The following ALPK2 variants were observed in gnomAD, a reference collection of about 807,000 sequenced individuals.
The protein encoded by ALPK2 is alpha-protein kinase 2.
ALPK2 carries 127 observed loss-of-function variants against 163.1 expected under a neutral mutation model. The observed-to-expected ratio is 0.78, with a 90% CI of 0.67 to 0.90. The LOEUF is 0.90. Ranked by LOEUF, ALPK2 falls within the 40% of genes least tolerant of loss-of-function variation. The probability of loss-of-function intolerance (pLI) is 0.00; values close to 1 mark genes in which losing one functional copy is unlikely to be tolerated. For synonymous variants in ALPK2, 953 were observed against 959.1 expected (o/e 0.99, Z 0.12); for missense variants, 2,360 against 2,589.6 (o/e 0.91, Z 1.92).
rs2051953058 is a variant in ALPK2 at position 58,580,506 on chromosome 18, T to G, written c.270A>C (p.Lys90Asn). The stretch of plus-strand genomic sequence containing the variant: ...AACAACAGATCATTCCAAAAGAGTT[T>G]TTAGCCGAGATTTGATAGACAGCAG... ...NDAAVYQISA[K>N]NSFGMICCSA... Residue 90 changes from lysine to asparagine, a missense_variant, in exon 4 of 13, where the codon AAA becomes AAC. Lys to Asn is a moderately conservative substitution (Grantham distance 94). Coordinates refer to ENST00000361673, the MANE Select transcript of ALPK2 (RefSeq NM_052947.4). 1 of 1,614,038 alleles carries G rather than the reference T, an allele frequency of 6.2e-7. No individual in the cohort carries two copies. Among genetic ancestry groups the G allele is most frequent in the Admixed American group, 1.7e-5 (1 of 60,010 alleles).
At chr18:58,588,724 T>C (rs1342637634) in intron 3 of ALPK2, among the ~76,000 whole-genome samples, 2 of 152,186 alleles carry the variant, frequency 1.3e-5, no homozygotes, top group East Asian at 3.8e-4. Flanking sequence ...CTGAGGATAA[T>C]GGCTTCCAGC....
chr18:58,490,459 T>A (rs1162155103), intron 12 of ALPK2, among the ~76,000 whole-genome samples: 11 of 151,148 alleles, frequency 7.3e-5, no homozygotes, highest in Non-Finnish European at 1.3e-4. Flanking sequence ...GATGGCCCCA[T>A]CTCCCTCTGA....
chr18:58,624,361 G>A (rs558228593), intron 1 of ALPK2, among the ~76,000 whole-genome samples: 203 of 152,246 alleles, frequency 1.3e-3, no homozygotes, highest in Non-Finnish European at 1.3e-3. Context: ...GCAGGAAACA[G>A]CAGGGTCCTG....
intron 4 of ALPK2, among the ~76,000 whole-genome samples, chr18:58,559,639 C>T (rs2051814840): frequency 6.6e-6 from 1 of 152,134 alleles, no homozygotes; most frequent in Non-Finnish European, 1.5e-5. Flanking sequence ...CTGACTCAGG[C>T]CTGACCTTCT....
Position 58,536,570 on chromosome 18 carries a change from TGAC to T in ALPK2, c.3614_3616del (p.Ser1205_Gln1206delinsLys). 1 of 1,614,090 alleles carries T rather than the reference TGAC, an allele frequency of 6.2e-7. No individual in the cohort carries two copies. The highest frequency in any genetic ancestry group is 1.1e-5 in the South Asian group (1 of 91,076). On this transcript the variant is annotated inframe_deletion, in exon 5 of 13. Coordinates refer to ENST00000361673, the MANE Select transcript of ALPK2 (RefSeq NM_052947.4). Reference sequence around the variant, plus strand: ...GAGAGATGGAACGTTGCTCAGAGCCTGACTGTCTTCTTCCCCAGCAGTTTCAGC... The same window carrying T: ...GAGAGATGGAACGTTGCTCAGAGCCTTGTCTTCTTCCCCAGCAGTTTCAGC...
rs144428335 is a variant in ALPK2 at position 58,523,699 on chromosome 18, G to A, written c.5665+107C>T. The stretch of plus-strand genomic sequence containing the variant: ...AAGTCACGCCATAGCTCTCCTTCTC[G>A]GTTGGAAGAGTCCAGAGGATTACTG... On this transcript the variant is annotated intron_variant, in intron 8 of 12. Coordinates refer to ENST00000361673, the MANE Select transcript of ALPK2 (RefSeq NM_052947.4). 1.1e-4 allele frequency: 153 copies of A among 1,399,208 alleles called. No homozygotes were observed. The East Asian group carries it at 2.2e-3, about 20-fold the overall frequency. 86.7% of individuals were successfully genotyped at this position (1,399,208 alleles called of 1,614,324 possible). A position where few individuals can be genotyped will look rare whatever the true frequency, so the allele number is the denominator to read the frequency against.
intron 12 of ALPK2, among the ~76,000 whole-genome samples, chr18:58,485,388 G>C (rs896773780): frequency 6.6e-6 from 1 of 152,130 alleles, no homozygotes; most frequent in Admixed American, 6.5e-5. Flanking sequence ...TCTTAAGGGC[G>C]TGAAAGGTTT....
chr18:58,501,308 C>T (rs1160582026), intron 11 of ALPK2, among the ~76,000 whole-genome samples: 1 of 152,062 alleles, frequency 6.6e-6, no homozygotes, highest in Admixed American at 6.5e-5. Flanking sequence ...AAAATTAATT[C>T]GCAAGGAGAA....
At chr18:58,605,757 A>G (rs572791743) in intron 3 of ALPK2, among the ~76,000 whole-genome samples, 2 of 152,354 alleles carry the variant, frequency 1.3e-5, no homozygotes, top group East Asian at 3.9e-4. Context: ...AGTCCAGGTC[A>G]TGGTCAAGGG....
chr18:58,483,529 CTTTA>C (rs144938882), intron 12 of ALPK2, among the ~76,000 whole-genome samples: 4,629 of 142,808 alleles, frequency 0.032, 112 homozygotes, highest in African/African-American at 0.065. Flanking sequence ...GTCCTACTCA[CTTTA>C]TTTATTTATT....
intron 12 of ALPK2, among the ~76,000 whole-genome samples, chr18:58,490,722 C>T (rs1166313139): frequency 6.6e-6 from 1 of 152,178 alleles, no homozygotes; most frequent in Non-Finnish European, 1.5e-5. Flanking sequence ...CTGGTCTCTG[C>T]GTCTGCTGGC....
At chr18:58,533,292 GA>G (rs1339625341) in intron 5 of ALPK2, among the ~76,000 whole-genome samples, 1 of 152,098 alleles carries the variant, frequency 6.6e-6, no homozygotes, top group Non-Finnish European at 1.5e-5. Flanking sequence ...TCACAGGCAA[GA>G]ATTCCAAAAA....
rs1352133400 is a variant in ALPK2, at chr18:58,535,532, GAA to G, written c.4653_4654del (p.Leu1553TrpfsTer3). 2 of 1,614,194 alleles carry G rather than the reference GAA, an allele frequency of 1.2e-6. No homozygotes were observed. Among genetic ancestry groups the G allele is most frequent in the Non-Finnish European group, 1.7e-6 (2 of 1,180,016 alleles). ...GGAGTTGTGCGTGTCAACCCCAAGA[GAA>G]GCGTGAGTCATTATTGGAAGACAAC... is the stretch of plus-strand genomic sequence containing the variant. On this transcript the variant is annotated frameshift_variant, in exon 5 of 13. Coordinates refer to ENST00000361673, the MANE Select transcript of ALPK2 (RefSeq NM_052947.4).
chr18:58,506,576 C>T (rs1002877667), intron 10 of ALPK2, among the ~76,000 whole-genome samples: 15 of 152,074 alleles, frequency 9.9e-5, no homozygotes, highest in Non-Finnish European at 1.8e-4. Context: ...CCTGAAGACT[C>T]ACCAGGAGGG....
At chr18:58,625,185 T>TG (rs2052223046) in intron 1 of ALPK2, among the ~76,000 whole-genome samples, 1 of 145,934 alleles carries the variant, frequency 6.9e-6, no homozygotes, top group African/African-American at 2.7e-5. Flanking sequence ...TACCCTCAGC[T>TG]GAAAAAAAAA....
intron 5 of ALPK2, among the ~76,000 whole-genome samples, chr18:58,530,522 A>T (rs540885257): frequency 1.3e-5 from 2 of 152,294 alleles, no homozygotes; most frequent in Admixed American, 1.3e-4. Context: ...GCCATTTCCT[A>T]GAGGGTCTTT....
In ALPK2 at chr18:58,510,418, G is replaced by A. The variant is rs187420619; in HGVS notation, c.6029+4575C>T. On this transcript the variant is annotated intron_variant, in intron 10 of 12. Coordinates refer to ENST00000361673, the MANE Select transcript of ALPK2 (RefSeq NM_052947.4). ...TTAAAGTAGTTTTTTCCAATTCTGT[G>A]AAGAAAGTCATTGGTAGCTTGATGA... 4.6e-5 allele frequency among the ~76,000 whole-genome samples: 7 copies of A among 152,272 alleles called. No homozygotes were observed. In the East Asian group the frequency reaches 1.2e-3, roughly 25 times the overall value.
At chr18:58,541,893 C>T (rs1471596161) in intron 4 of ALPK2, among the ~76,000 whole-genome samples, 2 of 152,188 alleles carry the variant, frequency 1.3e-5, no homozygotes, top group African/African-American at 4.8e-5. Flanking sequence ...AAACCACAGA[C>T]TCACACCTTC....
intron 12 of ALPK2, among the ~76,000 whole-genome samples, chr18:58,486,965 C>A (rs181385499): frequency 5.8e-4 from 89 of 152,330 alleles, no homozygotes; most frequent in African/African-American, 2.1e-3. Flanking sequence ...ACCTTACATG[C>A]GACATGTGCC....
Sources: allele counts gnomAD v4.1 joint callset (sites outside exome capture counted in the v4.1 genomes callset), GRCh38; gene constraint gnomAD v4.1.1; transcripts MANE v1.5; gene names NCBI Gene and HGNC (gene_info 2026-07-23, HGNC 2026-07-21).